TENM2: variants seen among roughly 807,000 people sequenced by gnomAD.
TENM2 encodes teneurin transmembrane protein 2.
Under a neutral mutation model 245.2 loss-of-function variants are expected in TENM2, and 52 were observed. That is an observed-to-expected ratio of 0.21 (90% CI 0.17 to 0.27). The LOEUF is 0.27. Ranked by LOEUF, TENM2 falls within the 10% of genes least tolerant of loss-of-function variation. TENM2 has a pLI of 1.00. For missense variants in TENM2, 3,046 were observed against 3,666.8 expected, an observed-to-expected ratio of 0.83 and a Z score of 4.37; for synonymous variants, 1,363 against 1,438.9, an observed-to-expected ratio of 0.95 and a Z score of 1.19.
intron 25 of TENM2, among the ~76,000 whole-genome samples, chr5:168,243,937 G>GT (rs1170318631): frequency 0.081 from 10,168 of 125,456 alleles, 515 homozygotes; most frequent in South Asian, 0.17. Flanking sequence ...CTTTTCTTTG[G>GT]TTTTTTTTTT....
At chr5:167,337,384 G>A (rs555176773) in intron 1 of TENM2, among the ~76,000 whole-genome samples, 114 of 152,120 alleles carry the variant, frequency 7.5e-4, no homozygotes, top group African/African-American at 2.4e-3. Flanking sequence ...ATATTCACCC[G>A]TTCATTCAAG....
chr5:167,175,730 CAG>C, the TENM2 span, among the ~76,000 whole-genome samples: 1 of 152,138 alleles, frequency 6.6e-6, no homozygotes, highest in Admixed American at 6.6e-5. Context: ...GTTTTTGAGA[CAG>C]AGTCTCACTC....
the TENM2 span, among the ~76,000 whole-genome samples, chr5:167,183,037 C>T: frequency 5.9e-5 from 9 of 152,066 alleles, no homozygotes; most frequent in Non-Finnish European, 1.3e-4. Flanking sequence ...TGCCTCTTTC[C>T]TACAAATCAA....
intron 4 of TENM2, among the ~76,000 whole-genome samples, chr5:167,986,818 G>A (rs1018910133): frequency 6.6e-6 from 1 of 152,142 alleles, no homozygotes; most frequent in African/African-American, 2.4e-5. Flanking sequence ...CTTAACAGCC[G>A]GTTCAGGGAA....
In TENM2 at chr5:168,156,546, A is replaced by G. The variant is rs185353167; in HGVS notation, c.2423-6065A>G. Among the ~76,000 whole-genome samples, 132 of 152,284 alleles carry G rather than the reference A, an allele frequency of 8.7e-4. 2 individuals are homozygous for G. The South Asian group carries it at 0.02, about 23-fold the overall frequency. On this transcript the variant is annotated intron_variant, in intron 12 of 28. Transcript: ENST00000518659. ...TATTTCTACCTTTAAATTGCTGCAC[A>G]TGGCAGAACATTTCTTGATGCTTTT... is the stretch of plus-strand genomic sequence containing the variant.
intron 2 of TENM2, among the ~76,000 whole-genome samples, chr5:167,550,884 A>T (rs1195796435): frequency 6.6e-6 from 1 of 151,876 alleles, no homozygotes; most frequent in African/African-American, 2.4e-5. Flanking sequence ...ATGAGCTTCC[A>T]CGCTTGGCTA....
chr5:167,240,844 C>T, the TENM2 span, among the ~76,000 whole-genome samples: 1 of 152,174 alleles, frequency 6.6e-6, no homozygotes, highest in Admixed American at 6.5e-5. Context: ...CTCATGTCTC[C>T]TTGCATTGGG....
chr5:167,771,563 A>G (rs555433656), intron 2 of TENM2, among the ~76,000 whole-genome samples: 1 of 152,310 alleles, frequency 6.6e-6, no homozygotes, highest in South Asian at 2.1e-4. Flanking sequence ...AACAATTGAA[A>G]CAATTCTATG....
At chr5:167,244,638 A>G in the TENM2 span, among the ~76,000 whole-genome samples, 1 of 152,226 alleles carries the variant, frequency 6.6e-6, no homozygotes, top group South Asian at 2.1e-4. Flanking sequence ...ACATGTGGAG[A>G]GAAGCACATC....
chr5:167,429,691 C>A (rs1335823494), intron 2 of TENM2, among the ~76,000 whole-genome samples: 1 of 150,756 alleles, frequency 6.6e-6, no homozygotes, highest in African/African-American at 2.4e-5. Context: ...AGTGCAACCT[C>A]CGCCTCCCAG....
At chr5:167,326,234 T>G (rs1010346521) in intron 1 of TENM2, among the ~76,000 whole-genome samples, 9 of 152,198 alleles carry the variant, frequency 5.9e-5, no homozygotes, top group African/African-American at 1.9e-4. Flanking sequence ...CAGGATATAT[T>G]TGATAGTCTT....
chr5:167,564,759 A>G (rs1452083823), intron 2 of TENM2, among the ~76,000 whole-genome samples: 2 of 152,040 alleles, frequency 1.3e-5, no homozygotes, highest in Middle Eastern at 3.2e-3. Context: ...TTGGTTTTTC[A>G]TCTTCTAGGA....
the TENM2 span, among the ~76,000 whole-genome samples, chr5:167,044,194 C>A: frequency 6.6e-6 from 1 of 152,038 alleles, no homozygotes; most frequent in African/African-American, 2.4e-5. Context: ...CAAGTGCCCG[C>A]ACTGTGACTA....
intron 23 of TENM2, among the ~76,000 whole-genome samples, chr5:168,222,515 A>G (rs1245118366): frequency 1.3e-5 from 2 of 152,218 alleles, no homozygotes. Flanking sequence ...CTGCCATGCA[A>G]TTCATGAAGG....
intron 3 of TENM2, among the ~76,000 whole-genome samples, chr5:167,924,902 G>A (rs1343702483): frequency 6.6e-6 from 1 of 152,070 alleles, no homozygotes; most frequent in Non-Finnish European, 1.5e-5. Flanking sequence ...ATACTGGCAG[G>A]GATGTAGAGT....
intron 17 of TENM2, among the ~76,000 whole-genome samples, chr5:168,200,717 T>C (rs568587933): frequency 7.5e-4 from 114 of 152,310 alleles, no homozygotes; most frequent in African/African-American, 2.6e-3. Context: ...GTTCCAGGGC[T>C]TTGCCTTTTG....
chr5:167,956,873 C>T (rs769052218), intron 4 of TENM2, among the ~76,000 whole-genome samples: 2 of 152,146 alleles, frequency 1.3e-5, no homozygotes, highest in Non-Finnish European at 2.9e-5. Context: ...CTTCAGTTTG[C>T]CAGTATTTTA....
intron 27 of TENM2, among the ~76,000 whole-genome samples, chr5:168,250,122 GGATGGATGGA>G (rs1301332369): frequency 3.3e-5 from 4 of 120,018 alleles, no homozygotes; most frequent in Non-Finnish European, 7.3e-5. Flanking sequence ...ATGGATGGAT[GGATGGATGGA>G]TGGATGGATG....
chr5:167,536,192 G>C (rs1771828627), intron 2 of TENM2, among the ~76,000 whole-genome samples: 1 of 151,986 alleles, frequency 6.6e-6, no homozygotes, highest in Admixed American at 6.6e-5. Context: ...CATTCTGAGG[G>C]TTAACAAGAT....
Sources: gnomAD v4.1 joint callset for allele counts (sites outside exome capture counted in the v4.1 genomes callset) on GRCh38, gnomAD v4.1.1 for gene constraint, MANE v1.5 for transcripts, NCBI Gene and HGNC (gene_info 2026-07-23, HGNC 2026-07-21) for gene names.